COL6A6: variants seen among roughly 807,000 people sequenced by gnomAD.
The protein encoded by COL6A6 is collagen type VI alpha 6 chain.
A neutral mutation model predicts 208.6 loss-of-function variants in COL6A6; 183 were observed. That is an observed-to-expected ratio of 0.88 (90% confidence interval 0.78 to 0.99). COL6A6 has a LOEUF of 0.99. Ranked by LOEUF, COL6A6 falls within the 50% of genes least tolerant of loss-of-function variation. COL6A6 has a pLI of 0.00. For synonymous variants in COL6A6, 973 were observed against 1,011.8 expected (o/e 0.96, Z 0.73); for missense variants, 2,816 against 2,815.2 (o/e 1.00, Z -0.01).
intron 26 of COL6A6, among the ~76,000 whole-genome samples, chr3:130,628,687 A>G (rs1328433534): frequency 1.3e-5 from 2 of 152,222 alleles, no homozygotes; most frequent in East Asian, 1.9e-4. Flanking sequence ...TAGACTCTCC[A>G]TAGGCTTTCC....
intron 32 of COL6A6, 40 bp from the exon 33 acceptor site, chr3:130,649,029 T>TA (rs764396866): frequency 5.8e-6 from 8 of 1,389,848 alleles, no homozygotes; most frequent in Middle Eastern, 3.7e-4. Flanking sequence ...TTTTTTTTTT[T>TA]AAATAAGGAT....
chr3:130,554,027 C>T (rs1421090764), intron 1 of COL6A6, among the ~76,000 whole-genome samples: 1 of 152,168 alleles, frequency 6.6e-6, no homozygotes, highest in Non-Finnish European at 1.5e-5. Context: ...GTTATCAGGC[C>T]CCTGGCGTTG....
intron 25 of COL6A6, among the ~76,000 whole-genome samples, chr3:130,626,830 T>C (rs2064903099): frequency 6.6e-6 from 1 of 152,112 alleles, no homozygotes; most frequent in Non-Finnish European, 1.5e-5. Context: ...TTTCCAGCCT[T>C]TCCTTTTATC....
chr3:130,598,898 G>C (rs2063924071), intron 19 of COL6A6, among the ~76,000 whole-genome samples: 1 of 152,202 alleles, frequency 6.6e-6, no homozygotes, highest in African/African-American at 2.4e-5. Context: ...TCACAATGTG[G>C]TCATCAAAAC....
intron 1 of COL6A6, among the ~76,000 whole-genome samples, chr3:130,531,795 G>A (rs961307231): frequency 2.0e-5 from 3 of 152,186 alleles, no homozygotes; most frequent in African/African-American, 2.4e-5. Flanking sequence ...AGAGTCACTC[G>A]TTCTTGCTGA....
At chr3:130,553,183 C>T (rs1158567226) in intron 1 of COL6A6, among the ~76,000 whole-genome samples, 1 of 152,128 alleles carries the variant, frequency 6.6e-6, no homozygotes, top group East Asian at 1.9e-4. Context: ...TGAATTTGAA[C>T]GTTGGCCTCT....
intron 1 of COL6A6, among the ~76,000 whole-genome samples, chr3:130,520,990 T>C (rs1427440859): frequency 6.6e-6 from 1 of 152,192 alleles, no homozygotes; most frequent in African/African-American, 2.4e-5. Flanking sequence ...GGAAGAAGAA[T>C]AGAATATACA....
intron 1 of COL6A6, among the ~76,000 whole-genome samples, chr3:130,531,897 C>G (rs1338599385): frequency 6.6e-6 from 1 of 152,122 alleles, no homozygotes; most frequent in Non-Finnish European, 1.5e-5. Flanking sequence ...TATAAAAATA[C>G]TGTATATGTG....
rs1376915332 is a variant in COL6A6, at chr3:130,563,403, A to G, written c.400A>G (p.Ile134Val). 1.5e-5 allele frequency: 25 copies of G among 1,613,888 alleles called. No homozygotes were observed. Among genetic ancestry groups the G allele is most frequent in the Non-Finnish European group, 2.0e-5 (24 of 1,179,902 alleles). Residue 134 changes from isoleucine to valine, a missense_variant, in exon 3 of 37, where the codon ATT becomes GTT. By Grantham distance (29) the Ile-to-Val change is conservative (BLOSUM62 3). Coordinates refer to ENST00000358511, the MANE Select transcript of COL6A6 (RefSeq NM_001102608.3). ...GAGAGACAAGAAACAGTTTCCCCCA[A>G]TTCTAGTGGTCCTGGCTTCATCTGA... Reference protein sequence around the residue: ...NGRDKKQFPPILVVLASSESE... With the variant: ...NGRDKKQFPPVLVVLASSESE...
At chr3:130,657,838 G>A (rs578010121) in intron 33 of COL6A6, among the ~76,000 whole-genome samples, 1 of 152,302 alleles carries the variant, frequency 6.6e-6, no homozygotes, top group Admixed American at 6.5e-5. Flanking sequence ...CTTAGGACAG[G>A]AGAATCACAG....
chr3:130,609,446 G>T (rs2064286808), intron 22 of COL6A6, among the ~76,000 whole-genome samples: 1 of 152,188 alleles, frequency 6.6e-6, no homozygotes, highest in Non-Finnish European at 1.5e-5. Flanking sequence ...GACTTCTCCA[G>T]GGAGCTACCT....
intron 1 of COL6A6, among the ~76,000 whole-genome samples, chr3:130,556,895 G>A (rs2062779041): frequency 6.6e-6 from 1 of 152,198 alleles, no homozygotes; most frequent in African/African-American, 2.4e-5. Flanking sequence ...GGTCATCTGA[G>A]GGGCAGTTTT....
chr3:130,675,214 A>G lies in COL6A6; in HGVS notation c.6609A>G (p.Gly2203=), dbSNP rs2066328432. The change falls in exon 37 of 37, where the codon GGA becomes GGG. Residue 2203 remains glycine, a synonymous_variant. Transcript: ENST00000358511. ...TTTTGTTGTATAGCTTTGTTCCTGG[A>G]CCACTTAAAGCTACCCTCAAAGAAG... is the stretch of plus-strand genomic sequence containing the variant. ...PPRPFRSFVP[G]PLKATLKEDV... is the part of the protein sequence containing the mutation. 2 of 1,573,290 alleles carry G rather than the reference A, an allele frequency of 1.3e-6. No individual in the cohort carries two copies. Among genetic ancestry groups the G allele is most frequent in the Non-Finnish European group, 1.7e-6 (2 of 1,159,598 alleles).
At position 130,628,766 on chromosome 3, in the gene COL6A6, C is replaced by T. The variant is rs1475776437; in HGVS notation, c.4992+1397C>T. Among the ~76,000 whole-genome samples, 8 of 65,354 alleles carry T rather than the reference C, an allele frequency of 1.2e-4. No homozygotes were observed. The South Asian group carries it at 3.6e-3, about 29-fold the overall frequency. The allele number at this position is 65,354 out of a possible 152,430, so 42.9% of individuals were successfully genotyped here. ...GCCGAATAGGAACAGCTCCGGTCTA[C>T]AGCTCCCTGCGTGAGCGACGCAGAA... On this transcript the variant is annotated intron_variant, in intron 26 of 36. Coordinates refer to ENST00000358511, the MANE Select transcript of COL6A6 (RefSeq NM_001102608.3).
intron 24 of COL6A6, among the ~76,000 whole-genome samples, chr3:130,625,518 C>T (rs896620782): frequency 6.6e-6 from 1 of 152,050 alleles, no homozygotes. Context: ...ATGAGAATGG[C>T]CTTTTACCTG....
intron 12 of COL6A6, 100 bp from the exon 13 acceptor site, chr3:130,590,941 C>G: frequency 5.9e-6 from 5 of 850,452 alleles, no homozygotes; most frequent in South Asian, 2.9e-5. Context: ...CAAACACTTA[C>G]TATTCCACAT....
intron 25 of COL6A6, among the ~76,000 whole-genome samples, chr3:130,626,862 C>T (rs1451258232): frequency 6.6e-6 from 1 of 152,210 alleles, no homozygotes; most frequent in Non-Finnish European, 1.5e-5. Flanking sequence ...GTCAGAAACC[C>T]ATTCCATCCT....
Position 130,675,396 on chromosome 3 carries a change from A to G in COL6A6, c.6791A>G (p.Ter2264=). The stretch of plus-strand genomic sequence containing the variant: ...GAAAGTGCTCCCAAACAACATGATT[A>G]AAAAAATGCTTGAACAACTTAGCCT... ...MIESAPKQHD[*] is the part of the protein sequence containing the mutation. Residue 2264 remains the stop codon, a stop_retained_variant, in exon 37 of 37, where the codon TAA becomes TGA. Transcript: ENST00000358511. 1 of 1,567,152 alleles carries G rather than the reference A, an allele frequency of 6.4e-7. No homozygotes were observed. The highest frequency in any genetic ancestry group is 8.6e-7 in the Non-Finnish European group (1 of 1,157,616).
In COL6A6 at chr3:130,568,256, A is replaced by C. The variant is rs764325481; in HGVS notation, c.2053A>C (p.Ile685Leu). Residue 685 changes from isoleucine to leucine, a missense_variant, in exon 6 of 37, where the codon ATT becomes CTT. Ile to Leu is a conservative substitution (Grantham distance 5, BLOSUM62 2). Transcript: ENST00000358511. ...CAACAGATTCATGTCCCAAAGCGAC[A>C]TTTCAAATGCAATAGACCAAATGGC... Reference protein sequence around the residue: ...QLNRFMSQSDISNAIDQMAHI... With the variant: ...QLNRFMSQSDLSNAIDQMAHI... The C allele has an allele frequency of 2.5e-6, 4 of 1,613,928 alleles. No individual in the cohort carries two copies. The highest frequency in any genetic ancestry group is 3.4e-6 in the Non-Finnish European group (4 of 1,179,906).
Sources: allele counts gnomAD v4.1 joint callset (sites outside exome capture counted in the v4.1 genomes callset), GRCh38; gene constraint gnomAD v4.1.1; transcripts MANE v1.5; gene names NCBI Gene and HGNC (gene_info 2026-07-23, HGNC 2026-07-21).